PCDH9: variants seen among roughly 807,000 people sequenced by gnomAD.
The protein encoded by PCDH9 is protocadherin-9.
Under a neutral mutation model 70.6 loss-of-function variants are expected in PCDH9, and 24 were observed. That is an observed-to-expected ratio of 0.34 (90% CI 0.25 to 0.48). The LOEUF (loss-of-function observed/expected upper bound fraction) is 0.48. Ranked by LOEUF, PCDH9 falls within the 20% of genes least tolerant of loss-of-function variation. PCDH9 has a pLI of 0.99. For missense variants in PCDH9, 1,281 were observed against 1,503.6 expected (o/e 0.85, Z 2.45); for synonymous variants, 562 against 558.5 (o/e 1.01, Z -0.09).
intron 3 of PCDH9, among the ~76,000 whole-genome samples, chr13:66,720,351 C>T (rs868570851): frequency 7.1e-6 from 1 of 139,936 alleles, no homozygotes. Flanking sequence ...TTGGTAGAGA[C>T]AGGGTTTCAC....
chr13:66,722,395 G>T (rs964418271), intron 3 of PCDH9, among the ~76,000 whole-genome samples: 6 of 152,186 alleles, frequency 3.9e-5, no homozygotes, highest in African/African-American at 1.2e-4. Context: ...AAATCAAATC[G>T]CAAAGAGATT....
At chr13:66,540,703 G>C (rs912147297) in intron 4 of PCDH9, among the ~76,000 whole-genome samples, 1 of 151,996 alleles carries the variant, frequency 6.6e-6, no homozygotes, top group African/African-American at 2.4e-5. Context: ...ACCCCCTTTG[G>C]GCAGATTTTA....
At chr13:66,529,983 C>A (rs774422083) in intron 4 of PCDH9, among the ~76,000 whole-genome samples, 1 of 151,714 alleles carries the variant, frequency 6.6e-6, no homozygotes, top group Non-Finnish European at 1.5e-5. Flanking sequence ...AATACACATA[C>A]AACACATTTA....
chr13:66,919,741 A>T (rs539105311), intron 2 of PCDH9, among the ~76,000 whole-genome samples: 1 of 151,068 alleles, frequency 6.6e-6, no homozygotes, highest in Non-Finnish European at 1.5e-5. Flanking sequence ...CAATCTCCCT[A>T]TGGGGATAAA....
At chr13:67,062,613 A>T (rs2085560709) in intron 2 of PCDH9, among the ~76,000 whole-genome samples, 1 of 152,202 alleles carries the variant, frequency 6.6e-6, no homozygotes, top group South Asian at 2.1e-4. Flanking sequence ...TGTTCTGTAC[A>T]ACATCTGGAA....
chr13:66,562,107 C>G (rs1309479735), intron 4 of PCDH9, among the ~76,000 whole-genome samples: 1 of 151,986 alleles, frequency 6.6e-6, no homozygotes, highest in African/African-American at 2.4e-5. Context: ...ACACTCACCG[C>G]AAGGGTCCAC....
rs888911164 is a variant in PCDH9, at chr13:67,018,488, G to A, written c.3037-114883C>T. On this transcript the variant is annotated intron_variant, in intron 2 of 4. Transcript: ENST00000377865. ...ACAAAAATTAGCTGGGCGTGGTGGC[G>A]TCTGCCTGTAGTCCCAGCTACTCAG... Among the ~76,000 whole-genome samples, 9 of 151,870 alleles carry A rather than the reference G, an allele frequency of 5.9e-5. No individual in the cohort carries two copies. The East Asian group carries it at 1.4e-3, about 23-fold the overall frequency.
At chr13:67,073,499 CAA>C in intron 2 of PCDH9, among the ~76,000 whole-genome samples, 1 of 146,122 alleles carries the variant, frequency 6.8e-6, no homozygotes, top group South Asian at 2.2e-4. Flanking sequence ...AACTTTTTGG[CAA>C]AAAAAAAATG....
At chr13:67,037,470 T>C (rs1185321333) in intron 2 of PCDH9, among the ~76,000 whole-genome samples, 4 of 152,186 alleles carry the variant, frequency 2.6e-5, no homozygotes, top group Non-Finnish European at 4.4e-5. Context: ...TTTTTGTTTG[T>C]TTGTTTTTTG....
chr13:67,190,314 A>T (rs1396818372), intron 2 of PCDH9, among the ~76,000 whole-genome samples: 1 of 152,022 alleles, frequency 6.6e-6, no homozygotes, highest in Non-Finnish European at 1.5e-5. Flanking sequence ...AAAAACACTA[A>T]TTGTGAACAG....
intron 4 of PCDH9, among the ~76,000 whole-genome samples, chr13:66,555,025 C>T (rs1961665084): frequency 6.6e-6 from 1 of 151,986 alleles, no homozygotes; most frequent in African/African-American, 2.4e-5. Context: ...CAAAATTAGC[C>T]TGGTGTGGTG....
chr13:66,662,089 G>A (rs1378391356), intron 3 of PCDH9, among the ~76,000 whole-genome samples: 1 of 151,900 alleles, frequency 6.6e-6, no homozygotes, highest in Non-Finnish European at 1.5e-5. Context: ...TAGGAAGTGG[G>A]GATAAGAAAG....
intron 4 of PCDH9, among the ~76,000 whole-genome samples, chr13:66,329,975 T>C (rs1955913042): frequency 6.6e-6 from 1 of 152,334 alleles, no homozygotes; most frequent in Middle Eastern, 3.4e-3. Flanking sequence ...GTAGCTGTTC[T>C]GAATATAAAT....
chr13:66,565,080 G>T (rs1001555647), intron 4 of PCDH9, among the ~76,000 whole-genome samples: 1 of 151,988 alleles, frequency 6.6e-6, no homozygotes, highest in Non-Finnish European at 1.5e-5. Context: ...TACTTTCAGT[G>T]CTAAGTTGCT....
At chr13:66,416,820 C>T (rs926010356) in intron 4 of PCDH9, among the ~76,000 whole-genome samples, 4 of 152,014 alleles carry the variant, frequency 2.6e-5, no homozygotes, top group African/African-American at 9.7e-5. Flanking sequence ...GCTCTGAATG[C>T]CAAAGAGAGA....
At chr13:66,326,544 G>T (rs977245469) in intron 4 of PCDH9, among the ~76,000 whole-genome samples, 8 of 151,834 alleles carry the variant, frequency 5.3e-5, no homozygotes, top group South Asian at 2.1e-4. Context: ...TCAGCCTCCC[G>T]AGTAGCTGGG....
At position 66,315,284 on chromosome 13, in the gene PCDH9, C is replaced by T. The variant is rs181361664; in HGVS notation, c.3341-10256G>A. On this transcript the variant is annotated intron_variant, in intron 4 of 4. Coordinates refer to ENST00000377865, the MANE Select transcript of PCDH9 (RefSeq NM_203487.3). ...CACCTTGATTTCAGCCTTCTGAGAC[C>T]CTAAGCACGTCAAGCCCACCTAGGT... is the stretch of plus-strand genomic sequence containing the variant. 1.8e-4 allele frequency among the ~76,000 whole-genome samples: 27 copies of T among 152,286 alleles called. 1 individual carries two copies. The East Asian group carries it at 5.0e-3, about 28-fold the overall frequency.
intron 3 of PCDH9, among the ~76,000 whole-genome samples, chr13:66,749,231 G>C (rs1339000379): frequency 1.3e-5 from 2 of 152,006 alleles, no homozygotes; most frequent in African/African-American, 2.4e-5. Context: ...GTGGGTGCAG[G>C]GAGCACTCTA....
At chr13:66,535,096 G>A (rs1327024738) in intron 4 of PCDH9, among the ~76,000 whole-genome samples, 1 of 151,728 alleles carries the variant, frequency 6.6e-6, no homozygotes, top group Non-Finnish European at 1.5e-5. Flanking sequence ...TCAAGTCAGT[G>A]AACCACTAAA....
Sources: allele counts gnomAD v4.1 joint callset (sites outside exome capture counted in the v4.1 genomes callset), GRCh38; gene constraint gnomAD v4.1.1; transcripts MANE v1.5; gene names NCBI Gene and HGNC (gene_info 2026-07-23, HGNC 2026-07-21).